ZNF117: variants seen among roughly 807,000 people sequenced by gnomAD.
ZNF117 encodes zinc finger protein 117, also known as Krueppel-related zinc finger protein.
In ZNF117, 37 loss-of-function variants were observed where a neutral mutation model predicts 41.2. The observed-to-expected ratio is 0.90, with a 90% CI of 0.69 to 1.18. The LOEUF (loss-of-function observed/expected upper bound fraction) is 1.18. Ranked by LOEUF, ZNF117 falls within the 50% of genes most tolerant of loss-of-function variation. The pLI is 0.00. For missense variants in ZNF117, 546 were observed against 557.5 expected (o/e 0.98, Z 0.21); for synonymous variants, 186 against 186.6 (o/e 1.00, Z 0.02).
At chr7:64,986,903 T>A (rs935896920), upstream of ZNF117, among the ~76,000 whole-genome samples, 2 of 152,086 alleles carry the variant, frequency 1.3e-5, no homozygotes, top group Non-Finnish European at 2.9e-5. Flanking sequence ...GGCAGAAAAT[T>A]AACAAAGATA....
exon 1 of ZNF117, chr7:64,990,756 G>C (rs750746197): frequency 6.5e-6 from 1 of 153,400 alleles, no homozygotes. Flanking sequence ...AGGAGAACTT[G>C]TTTTTCTCAT....
At chr7:64,982,671 G>C (rs1282056688), upstream of ZNF117, among the ~76,000 whole-genome samples, 1 of 152,076 alleles carries the variant, frequency 6.6e-6, no homozygotes, top group Non-Finnish European at 1.5e-5. Flanking sequence ...GTTTTTCCCA[G>C]TTTTTCTGGC....
intron 1 of ZNF117, among the ~76,000 whole-genome samples, chr7:64,989,452 T>TATACATATATATATATATATATATAC (rs1469133899): frequency 2.1e-4 from 4 of 19,406 alleles, no homozygotes; most frequent in Non-Finnish European, 3.8e-4. Flanking sequence ...ATTATATATA[T>TATACATATATATATATATATATATAC]ATATATATAT....
At chr7:64,978,026 G>T in exon 3 of ZNF117, 1 of 1,378,930 alleles carries the variant, frequency 7.3e-7, no homozygotes, top group Non-Finnish European at 1.0e-6. Flanking sequence ...GTTTAGTAAG[G>T]GTTGAGAAAT....
At chr7:64,978,807 C>T in exon 3 of ZNF117, 1 of 1,613,442 alleles carries the variant, frequency 6.2e-7, no homozygotes, top group Non-Finnish European at 8.5e-7. Context: ...AAAAGCTTTG[C>T]CGCATTCTTC....
intron 1 of ZNF117, among the ~76,000 whole-genome samples, chr7:64,987,234 A>G (rs2103146): frequency 0.32 from 48,347 of 152,110 alleles, 8,382 homozygotes; most frequent in South Asian, 0.42. Context: ...GAAATAAAAA[A>G]GTTCTTTGAA....
chr7:64,972,862 C>T (rs1012485801), downstream of ZNF117: 7 of 152,100 alleles, frequency 4.6e-5, no homozygotes, highest in South Asian at 2.1e-4. Context: ...CATTTGACAA[C>T]ATATACTTCC....
chr7:64,989,471 ATATATATATATATATATATATATATAT>A (rs1562649355), intron 1 of ZNF117, among the ~76,000 whole-genome samples: 2 of 112,190 alleles, frequency 1.8e-5, no homozygotes, highest in Non-Finnish European at 3.6e-5. Context: ...ATATATATAT[ATATATATATATATATATATATATATAT>A]AAAACCTGAA....
exon 3 of ZNF117, chr7:64,976,946 T>C (rs1028108668): frequency 5.6e-6 from 3 of 531,252 alleles, no homozygotes; most frequent in Non-Finnish European, 1.2e-5. Context: ...GGGTTGATGA[T>C]AGGTTAGCTT....
upstream of ZNF117, among the ~76,000 whole-genome samples, chr7:64,986,669 T>C (rs1786143164): frequency 6.6e-6 from 1 of 152,226 alleles, no homozygotes; most frequent in East Asian, 1.9e-4. Context: ...ACTTTTCATC[T>C]TGTAGCCATC....
chr7:64,976,379 T>G (rs553304609), exon 3 of ZNF117: 3 of 153,934 alleles, frequency 1.9e-5, no homozygotes, highest in African/African-American at 7.3e-5. Flanking sequence ...GAGGCAGAGG[T>G]TGCAGTGAGC....
rs149449615 is a variant in ZNF117 at position 64,988,685 on chromosome 7, A to C, written c.-196+1262T>G. Among the ~76,000 whole-genome samples, 43 of 152,326 alleles carry C rather than the reference A, an allele frequency of 2.8e-4. No homozygotes were observed. The East Asian group carries it at 8.1e-3, about 29-fold the overall frequency. ...TCCCATTTTTTGCAGATGTAATTCT[A>C]TATATAGAAAACCCTATAGTCTCCA... On this transcript the variant is annotated intron_variant, in intron 1 of 3. Transcript: ENST00000282869.
rs756981296 is a variant in ZNF117 at position 64,979,365 on chromosome 7, AG to A, written c.205del (p.Asn70ThrfsTer4). 8.1e-6 allele frequency: 13 copies of A among 1,601,396 alleles called. No individual in the cohort carries two copies. In the East Asian group the frequency reaches 2.9e-4, roughly 36 times the overall value. On this transcript the variant is annotated frameshift_variant, in exon 3 of 3. Transcript: ENST00000620222. LOFTEE classifies it high-confidence loss of function. ...CAAGGTAGTTTTCAAACATTGGTTA[AG>A]TCCACTATAATCTCCTTTGTGCTGT...
chr7:64,976,884 T>A (rs1173082977), exon 3 of ZNF117: 1 of 489,440 alleles, frequency 2.0e-6, no homozygotes, highest in East Asian at 6.1e-5. Flanking sequence ...ATTGCCACAT[T>A]CTTCACATTT....
chr7:64,977,856 A>T, exon 3 of ZNF117: 1 of 1,133,746 alleles, frequency 8.8e-7, no homozygotes. Context: ...ATGTTTAATA[A>T]GGTTTGATGA....
intron 1 of ZNF117, among the ~76,000 whole-genome samples, chr7:64,989,622 A>G (rs1786219330): frequency 6.6e-6 from 1 of 150,916 alleles, no homozygotes; most frequent in South Asian, 2.1e-4. Flanking sequence ...ATGGGACCTA[A>G]TTAAACTAAA....
At chr7:64,979,587 T>C (rs373814037) in intron 2 of ZNF117, 51 bp from the exon 4 acceptor site, 7 of 1,345,028 alleles carry the variant, frequency 5.2e-6, no homozygotes, top group Admixed American at 2.9e-5. Context: ...CTCAGATGAA[T>C]ATACTTTACA....
At chr7:64,989,332 G>A (rs1786201790) in intron 1 of ZNF117, among the ~76,000 whole-genome samples, 1 of 150,544 alleles carries the variant, frequency 6.6e-6, no homozygotes, top group Non-Finnish European at 1.5e-5. Flanking sequence ...AATAAATGAG[G>A]TTGGAATAAC....
exon 3 of ZNF117, chr7:64,975,040 TTTAA>T (rs937092641): frequency 1.4e-4 from 21 of 151,968 alleles, no homozygotes; most frequent in African/African-American, 3.4e-4. Flanking sequence ...AACAATGTTC[TTTAA>T]TTAAGTTCTT....
Sources: gnomAD v4.1 joint callset for allele counts (sites outside exome capture counted in the v4.1 genomes callset) on GRCh38, gnomAD v4.1.1 for gene constraint, MANE v1.5 for transcripts, NCBI Gene and HGNC (gene_info 2026-07-23, HGNC 2026-07-21) for gene names.